TMEM190: variants seen among roughly 807,000 people sequenced by gnomAD.
TMEM190 encodes transmembrane protein 190.
Under a neutral mutation model 17.1 loss-of-function variants are expected in TMEM190, and 17 were observed. That is an observed-to-expected ratio of 0.99 (90% CI 0.68 to 1.49). TMEM190 has a LOEUF of 1.49. Ranked by LOEUF, TMEM190 falls within the 40% of genes most tolerant of loss-of-function variation. The pLI is 0.00. For synonymous variants in TMEM190, 101 were observed against 103.8 expected (o/e 0.97, Z 0.16); for missense variants, 246 against 245.0 (o/e 1.00, Z -0.03).
rs771079544 is a variant in TMEM190, at chr19:55,378,070, G to A, written c.401G>A (p.Gly134Glu). The A allele has an allele frequency of 1.9e-6, 3 of 1,611,788 alleles. No individual in the cohort carries two copies. The African/African-American group carries it at 4.0e-5, about 22-fold the overall frequency. The change falls in exon 5 of 5, where the codon GGG becomes GAG. Residue 134 changes from glycine (G) to glutamate (E), a missense_variant. Transcript: ENST00000291934. ...GTCTCGCTGCTCTCCAAGCACCGAGGGACCAAGAAGACGCCGTCCACGGGC... is the reference window on the plus strand; with the variant it reads ...GTCTCGCTGCTCTCCAAGCACCGAGAGACCAAGAAGACGCCGTCCACGGGC... ...KSVSLLSKHR[G>E]TKKTPSTGSV... is the part of the protein sequence containing the mutation.
rs758296533 is a variant in TMEM190, at chr19:55,378,116, C to T, written c.447C>T (p.Ser149=). ...CGGGCAGCGTGCCAGTCGCCCTGTC[C>T]AAAGAGTCCAGGGATGTGGAGGGAG... ...PSTGSVPVAL[S]KESRDVEGGT... Residue 149 remains serine (S), a synonymous_variant, in exon 5 of 5, where the codon TCC becomes TCT. Coordinates refer to ENST00000291934, the MANE Select transcript of TMEM190 (RefSeq NM_139172.3). The T allele has an allele frequency of 2.5e-5, 40 of 1,604,568 alleles. 1 individual carries two copies. The highest frequency in any genetic ancestry group is 2.4e-4 in the Admixed American group (14 of 59,462).
intron 2 of TMEM190, 150 bp from the exon 3 acceptor site, chr19:55,377,443 A>AG (rs2089861052): frequency 8.0e-7 from 1 of 1,247,494 alleles, no homozygotes; most frequent in Non-Finnish European, 1.1e-6. Flanking sequence ...CCTGGGTCTG[A>AG]GGGAGGAGGG....
rs749451685 is a variant in TMEM190 at position 55,378,237 on chromosome 19, G to C, written c.*34G>C. On this transcript the variant is annotated 3_prime_UTR_variant, in exon 5 of 5. Transcript: ENST00000291934. ...CCGGGGGACTGCTCAATACAGATACGGTGGACGGACGTGTGTTCTCTTCTC... is the reference window on the plus strand; with the variant it reads ...CCGGGGGACTGCTCAATACAGATACCGTGGACGGACGTGTGTTCTCTTCTC... 7 of 1,502,484 alleles carry C rather than the reference G, an allele frequency of 4.7e-6. No individual in the cohort carries two copies. Among genetic ancestry groups the C allele is most frequent in the Non-Finnish European group, 5.3e-6 (6 of 1,126,020 alleles). The allele number at this position is 1,502,484 out of a possible 1,614,324, so 93.1% of individuals were successfully genotyped here.
intron 2 of TMEM190, 104 bp downstream of exon 2, chr19:55,377,130 G>A: frequency 7.5e-7 from 1 of 1,341,906 alleles, no homozygotes. Context: ...GGATCTGAGG[G>A]AGGACGGGGG....
Position 55,376,963 on chromosome 19 carries a change from A to C in TMEM190, c.59-28A>C, listed in dbSNP as rs558068266. On this transcript the variant is annotated intron_variant, in intron 1 of 4. Transcript: ENST00000291934. ...TGAGGAGGGACGCCCGGCTCCACAC[A>C]GCCCTAACACTGCCCTTTCTCTCGC... is the stretch of plus-strand genomic sequence containing the variant. 1.4e-4 allele frequency: 211 copies of C among 1,552,654 alleles called. 4 individuals carry two copies. The South Asian group carries it at 2.5e-3, about 18-fold the overall frequency.
At chr19:55,377,478 C>G in intron 2 of TMEM190, 115 bp from the exon 3 acceptor site, 1 of 1,506,298 alleles carries the variant, frequency 6.6e-7, no homozygotes, top group East Asian at 2.3e-5. Context: ...CCCTGGGGCC[C>G]TGCACAGAGT....
rs1367353697 is a variant in TMEM190 at position 55,376,894 on chromosome 19, T to A, written c.41T>A (p.Leu14Gln). The stretch of plus-strand genomic sequence containing the variant: ...ATCCCAGCGCTGGGCCTGCTCCTGC[T>A]GCTGCAGGGCTCGGCAGGTGAGGGG... ...CGIPALGLLL[L>Q]LQGSADGNGI... The change falls in exon 1 of 5, where the codon CTG (leucine) becomes CAG (glutamine). Residue 14 changes from leucine (L) to glutamine (Q), a missense_variant. Leu to Gln is a moderately radical substitution (Grantham distance 113, BLOSUM62 -2). Transcript: ENST00000291934. 7 of 1,583,572 alleles carry A rather than the reference T, an allele frequency of 4.4e-6. No homozygotes were observed. The Admixed American group carries it at 5.5e-5, about 12-fold the overall frequency.
chr19:55,378,092 G>A lies in TMEM190; in HGVS notation c.423G>A (p.Thr141=), dbSNP rs774613461. Residue 141 remains threonine (T), a synonymous_variant, in exon 5 of 5, where the codon ACG becomes ACA. Transcript: ENST00000291934. ...KHRGTKKTPS[T]GSVPVALSKE... ...GAGGGACCAAGAAGACGCCGTCCAC[G>A]GGCAGCGTGCCAGTCGCCCTGTCCA... 1.3e-5 allele frequency: 21 copies of A among 1,609,678 alleles called. No individual in the cohort carries two copies. Among genetic ancestry groups the A allele is most frequent in the South Asian group, 7.7e-5 (7 of 90,726 alleles).
chr19:55,377,442 G>A, intron 2 of TMEM190, 151 bp from the exon 3 acceptor site: 1 of 1,253,672 alleles, frequency 8.0e-7, no homozygotes, highest in South Asian at 1.4e-5. Context: ...TCCTGGGTCT[G>A]AGGGAGGAGG....
chr19:55,378,162 G>C lies in TMEM190; in HGVS notation c.493G>C (p.Glu165Gln), dbSNP rs2089867812. Residue 165 changes from glutamate to glutamine, a missense_variant, in exon 5 of 5, where the codon GAG (glutamate) becomes CAG (glutamine). Transcript: ENST00000291934. Reference protein sequence around the residue: ...VEGGTEGEGTEEGEETEGEEE... With the variant: ...VEGGTEGEGTQEGEETEGEEE... Reference sequence around the variant, plus strand: ...GGGAGGCACCGAGGGGGAAGGGACGGAGGAGGGTGAGGAGACAGAGGGCGA... The same window carrying C: ...GGGAGGCACCGAGGGGGAAGGGACGCAGGAGGGTGAGGAGACAGAGGGCGA... 3 of 1,567,766 alleles carry C rather than the reference G, an allele frequency of 1.9e-6. No homozygotes were observed. Among genetic ancestry groups the C allele is most frequent in the Non-Finnish European group, 2.6e-6 (3 of 1,153,660 alleles).
At chr19:55,377,298 G>T (rs1280371346) in intron 2 of TMEM190, among the ~76,000 whole-genome samples, 1 of 144,536 alleles carries the variant, frequency 6.9e-6, no homozygotes, top group African/African-American at 2.6e-5. Context: ...CTGGACTCCT[G>T]GGTCTGAGGG....
chr19:55,377,925 AG>A (rs772331179), intron 4 of TMEM190, 39 bp downstream of exon 4: 31 of 1,606,126 alleles, frequency 1.9e-5, no homozygotes, highest in Non-Finnish European at 2.5e-5. Flanking sequence ...CTGCACCCCC[AG>A]GGGGAGGGTC....
Position 55,377,684 on chromosome 19 carries a change from C to T in TMEM190, c.186C>T (p.Tyr62=), listed in dbSNP as rs781745953. The T allele has an allele frequency of 1.2e-5, 20 of 1,613,176 alleles. No individual in the cohort carries two copies. The South Asian group carries it at 2.1e-4, about 17-fold the overall frequency. Residue 62 remains tyrosine, a synonymous_variant, in exon 3 of 5, where the codon TAC becomes TAT. Transcript: ENST00000291934. ...TCTGCCTGCGTCTCCGGTGCTGCTACCGCAATGGGGTCTGCTACCACCAGC... is the reference window on the plus strand; with the variant it reads ...TCTGCCTGCGTCTCCGGTGCTGCTATCGCAATGGGGTCTGCTACCACCAGC... ...PNLCLRLRCC[Y]RNGVCYHQRP...
intron 1 of TMEM190, 23 bp downstream of exon 1, chr19:55,376,934 G>T (rs2089855488): frequency 6.4e-7 from 1 of 1,560,932 alleles, no homozygotes; most frequent in Non-Finnish European, 8.7e-7. Context: ...TGAGGCGGGG[G>T]AGCTGAGGAG....
chr19:55,377,515 A>C, intron 2 of TMEM190, 78 bp from the exon 3 acceptor site: 1 of 1,543,728 alleles, frequency 6.5e-7, no homozygotes. Context: ...GCCTGGGAGC[A>C]TGGCCTTGGA....
chr19:55,378,173 G>A lies in TMEM190; in HGVS notation c.504G>A (p.Glu168=), dbSNP rs1371980711. Residue 168 remains glutamate, a synonymous_variant, in exon 5 of 5, where the codon GAG becomes GAA. Transcript: ENST00000291934. ...AGGGGGAAGGGACGGAGGAGGGTGA[G>A]GAGACAGAGGGCGAGGAAGAGGAGG... is the stretch of plus-strand genomic sequence containing the variant. The part of the protein sequence containing the change: ...GTEGEGTEEG[E]ETEGEEEED The A allele has an allele frequency of 1.9e-6, 3 of 1,560,176 alleles. No individual in the cohort carries two copies. Among genetic ancestry groups the A allele is most frequent in the East Asian group, 2.3e-5 (1 of 44,140 alleles).
rs368923433 is a variant in TMEM190 at position 55,378,243 on chromosome 19, C to T, written c.*40C>T. ...GACTGCTCAATACAGATACGGTGGA[C>T]GGACGTGTGTTCTCTTCTCTGAAAG... On this transcript the variant is annotated 3_prime_UTR_variant, in exon 5 of 5. Transcript: ENST00000291934. 7.1e-5 allele frequency: 94 copies of T among 1,329,546 alleles called. No individual in the cohort carries two copies. The highest frequency in any genetic ancestry group is 8.3e-5 in the Non-Finnish European group (85 of 1,021,082). 82.4% of individuals were successfully genotyped at this position (1,329,546 alleles called of 1,614,324 possible).
At chr19:55,377,765 G>T (rs374510517) in intron 3 of TMEM190, 37 bp from the exon 4 acceptor site, 77 of 1,612,224 alleles carry the variant, frequency 4.8e-5, no homozygotes, top group Non-Finnish European at 6.5e-5. Context: ...TCTGGCGGTC[G>T]GGAGCCCCGG....
rs576392972 is a variant in TMEM190, at chr19:55,377,658, C to A, written c.160C>A (p.Leu54Ile). Reference sequence around the variant, plus strand: ...CCAGGCGGCCATCGATAGCCCCAACCTCTGCCTGCGTCTCCGGTGCTGCTA... The same window carrying A: ...CCAGGCGGCCATCGATAGCCCCAACATCTGCCTGCGTCTCCGGTGCTGCTA... ...GGQAAIDSPN[L>I]CLRLRCCYRN... The change falls in exon 3 of 5, where the codon CTC (leucine) becomes ATC (isoleucine). Residue 54 changes from leucine (L) to isoleucine (I), a missense_variant. Physicochemically the swap from Leu to Ile is conservative, Grantham distance 5. Coordinates refer to ENST00000291934, the MANE Select transcript of TMEM190 (RefSeq NM_139172.3). 6 of 1,613,572 alleles carry A rather than the reference C, an allele frequency of 3.7e-6. No homozygotes were observed. In the South Asian group the frequency reaches 5.5e-5, roughly 15 times the overall value.
Sources: allele counts gnomAD v4.1 joint callset (sites outside exome capture counted in the v4.1 genomes callset), GRCh38; gene constraint gnomAD v4.1.1; transcripts MANE v1.5; gene names NCBI Gene and HGNC (gene_info 2026-07-23, HGNC 2026-07-21).